The following ASAP1 variants were observed in gnomAD, a reference collection of about 807,000 sequenced individuals.
ASAP1 encodes arf-GAP with SH3 domain, ANK repeat and PH domain-containing protein 1.
A neutral mutation model predicts 145.2 loss-of-function variants in ASAP1; 43 were observed. The observed-to-expected ratio is 0.30, with a 90% CI of 0.23 to 0.38. ASAP1 has a LOEUF of 0.38. Ranked by LOEUF, ASAP1 falls within the 10% of genes least tolerant of loss-of-function variation. The pLI is 1.00. For missense variants in ASAP1, 1,018 were observed against 1,355.3 expected (o/e 0.75, Z 3.91); for synonymous variants, 546 against 515.5 (o/e 1.06, Z -0.80).
At chr8:130,054,873 G>A (rs1036874201) in intron 29 of ASAP1, 68 bp from the exon 30 acceptor site, 17 of 1,284,040 alleles carry the variant, frequency 1.3e-5, no homozygotes, top group Non-Finnish European at 1.7e-5. Flanking sequence ...AACCCAGTGG[G>A]TAAGAGCCCA....
chr8:130,345,430 T>C (rs538751662), intron 3 of ASAP1, among the ~76,000 whole-genome samples: 9 of 152,368 alleles, frequency 5.9e-5, no homozygotes, highest in African/African-American at 2.2e-4. Context: ...CCTTTTCCAC[T>C]GGCAGATGCA....
chr8:130,314,976 G>C (rs753068583), intron 3 of ASAP1, among the ~76,000 whole-genome samples: 1 of 152,188 alleles, frequency 6.6e-6, no homozygotes, highest in Non-Finnish European at 1.5e-5. Flanking sequence ...TGACCTTTCT[G>C]AATTTCGGTT....
intron 3 of ASAP1, among the ~76,000 whole-genome samples, chr8:130,281,805 G>A (rs1463483431): frequency 1.3e-5 from 2 of 152,140 alleles, no homozygotes; most frequent in Non-Finnish European, 2.9e-5. Context: ...GGTGGCTCAC[G>A]CCTGTAATCC....
At chr8:130,216,169 C>T (rs1816918809) in intron 4 of ASAP1, among the ~76,000 whole-genome samples, 1 of 152,140 alleles carries the variant, frequency 6.6e-6, no homozygotes, top group African/African-American at 2.4e-5. Flanking sequence ...TTCATGTGTC[C>T]TAACAGGTTT....
intron 3 of ASAP1, among the ~76,000 whole-genome samples, chr8:130,357,807 C>A (rs1452978787): frequency 6.6e-6 from 1 of 152,214 alleles, no homozygotes; most frequent in Non-Finnish European, 1.5e-5. Context: ...CACCTCCAGT[C>A]CCCAGGCCTT....
intron 4 of ASAP1, among the ~76,000 whole-genome samples, chr8:130,217,350 T>C (rs931752718): frequency 3.9e-5 from 6 of 152,106 alleles, no homozygotes; most frequent in African/African-American, 1.4e-4. Flanking sequence ...TTACAATAAA[T>C]TACTTTTCTT....
At chr8:130,298,996 G>A (rs1018746949) in intron 3 of ASAP1, among the ~76,000 whole-genome samples, 9 of 152,124 alleles carry the variant, frequency 5.9e-5, no homozygotes, top group Non-Finnish European at 1.0e-4. Context: ...ATGTACTTTC[G>A]AAACACAAAT....
chr8:130,178,518 A>G (rs1263147679), intron 9 of ASAP1, among the ~76,000 whole-genome samples: 1 of 152,276 alleles, frequency 6.6e-6, no homozygotes, highest in African/African-American at 2.4e-5. Flanking sequence ...CACAAATTAT[A>G]TAGGAATCCA....
At chr8:130,424,018 T>C (rs536797679) in intron 1 of ASAP1, among the ~76,000 whole-genome samples, 2 of 152,308 alleles carry the variant, frequency 1.3e-5, no homozygotes, top group African/African-American at 4.8e-5. Context: ...ACTCTGAATA[T>C]ATTAAAAACC....
chr8:130,440,594 C>T (rs1830458239), intron 1 of ASAP1, among the ~76,000 whole-genome samples: 1 of 152,138 alleles, frequency 6.6e-6, no homozygotes, highest in Non-Finnish European at 1.5e-5. Context: ...GGACTCTCCC[C>T]AGCATGGCTT....
intron 2 of ASAP1, among the ~76,000 whole-genome samples, chr8:130,361,420 CAAGCT>C (rs1298403415): frequency 1.3e-5 from 2 of 152,232 alleles, no homozygotes; most frequent in Admixed American, 6.5e-5. Flanking sequence ...ATTATTACAA[CAAGCT>C]AAGCTAACTG....
At chr8:130,084,191 C>A (rs1317318192) in intron 25 of ASAP1, 1 of 152,238 alleles carries the variant, frequency 6.6e-6, no homozygotes, top group Non-Finnish European at 1.5e-5. Flanking sequence ...AACTTCTCTG[C>A]CCACAGCGGA....
At chr8:130,224,343 A>G (rs1817467444) in intron 4 of ASAP1, among the ~76,000 whole-genome samples, 1 of 152,186 alleles carries the variant, frequency 6.6e-6, no homozygotes, top group South Asian at 2.1e-4. Flanking sequence ...TCCTATGCAT[A>G]CTTTGTAGCA....
intron 17 of ASAP1, among the ~76,000 whole-genome samples, chr8:130,124,883 G>A (rs2097572482): frequency 6.6e-6 from 1 of 152,194 alleles, no homozygotes; most frequent in Non-Finnish European, 1.5e-5. Context: ...TGTGTTACAG[G>A]TAATAGGTCT....
intron 27 of ASAP1, among the ~76,000 whole-genome samples, chr8:130,068,840 T>C (rs766064915): frequency 9.8e-5 from 15 of 152,316 alleles, no homozygotes; most frequent in South Asian, 6.2e-4. Context: ...ACGCTGAACA[T>C]GCCTGTTACC....
chr8:130,256,904 G>T (rs747026107), intron 3 of ASAP1, among the ~76,000 whole-genome samples: 2 of 150,664 alleles, frequency 1.3e-5, no homozygotes, highest in African/African-American at 4.9e-5. Flanking sequence ...AAATTAAAGG[G>T]ATATCGATGA....
chr8:130,214,378 G>A (rs1043484060), intron 5 of ASAP1, among the ~76,000 whole-genome samples, 178 bp downstream of exon 5: 1 of 152,140 alleles, frequency 6.6e-6, no homozygotes, highest in African/African-American at 2.4e-5. Flanking sequence ...AATCCTAGGC[G>A]ACTAAAAAGC....
At chr8:130,128,136 GTC>G in intron 15 of ASAP1, 46 bp from the exon 16 acceptor site, 2 of 484,638 alleles carry the variant, frequency 4.1e-6, no homozygotes, top group Non-Finnish European at 2.8e-6. Flanking sequence ...TAAGAGCATG[GTC>G]ATTTTTTTTT....
intron 3 of ASAP1, among the ~76,000 whole-genome samples, chr8:130,240,442 C>T (rs117782567): frequency 1.8e-3 from 272 of 152,186 alleles, no homozygotes; most frequent in Middle Eastern, 0.014. Flanking sequence ...TAATACAAGT[C>T]TAAGTGTGCT....
Sources: allele counts gnomAD v4.1 joint callset (sites outside exome capture counted in the v4.1 genomes callset), GRCh38; gene constraint gnomAD v4.1.1; transcripts MANE v1.5; gene names NCBI Gene and HGNC (gene_info 2026-07-23, HGNC 2026-07-21).